SAMD3: variants seen among roughly 807,000 people sequenced by gnomAD.
SAMD3 encodes sterile alpha motif domain-containing protein 3.
SAMD3 carries 63 observed loss-of-function variants against 58.5 expected under a neutral mutation model. The observed-to-expected ratio is 1.08, with a 90% CI of 0.88 to 1.33. The LOEUF (loss-of-function observed/expected upper bound fraction) is 1.33, where lower values mean the gene tolerates loss of function less well. Among genes scored for constraint, SAMD3 ranks in the 40% most tolerant of loss-of-function variants. The pLI is 0.00. For missense variants in SAMD3, 604 were observed against 608.4 expected, an observed-to-expected ratio of 0.99 and a Z score of 0.08; for synonymous variants, 220 against 210.3, an observed-to-expected ratio of 1.05 and a Z score of -0.40.
At chr6:130,337,424 C>G (rs976837174) in intron 1 of SAMD3, among the ~76,000 whole-genome samples, 3 of 152,062 alleles carry the variant, frequency 2.0e-5, no homozygotes, top group Non-Finnish European at 2.9e-5. Context: ...TTATAAATTA[C>G]CCAGTCGTAG....
chr6:130,278,235 C>T (rs1774853127), intron 2 of SAMD3, among the ~76,000 whole-genome samples: 1 of 152,190 alleles, frequency 6.6e-6, no homozygotes, highest in Admixed American at 6.5e-5. Flanking sequence ...CCTATGATTT[C>T]ATCTCTGACC....
At chr6:130,345,452 A>G (rs1163030342) in intron 1 of SAMD3, among the ~76,000 whole-genome samples, 2 of 152,160 alleles carry the variant, frequency 1.3e-5, no homozygotes, top group Non-Finnish European at 2.9e-5. Flanking sequence ...ATAAAACAGG[A>G]GAAGCTGTGT....
chr6:130,243,880 T>C lies in SAMD3; in HGVS notation c.-187-21067A>G, dbSNP rs117057209. 1.2e-3 allele frequency among the ~76,000 whole-genome samples: 188 copies of C among 152,296 alleles called. 1 individual carries two copies. The highest frequency in any genetic ancestry group is 2.1e-3 in the Non-Finnish European group (141 of 68,014). On this transcript the variant is annotated intron_variant, in intron 2 of 13. Coordinates refer to the SAMD3 transcript ENST00000368134. ...ATTTCAAAATGTATCTGCTGCTACT[T>C]GAATGTTGTTGTGTTCTCCAACAGT...
Position 130,248,784 on chromosome 6 carries a change from G to T in SAMD3, c.-187-25971C>A, listed in dbSNP as rs1027012025. ...GGAACGGAGAGAAGGTTTCAAGAAA[G>T]GATCTATGCTCCATTTATAAGCAGT... On this transcript the variant is annotated intron_variant, in intron 2 of 13. Coordinates refer to the SAMD3 transcript ENST00000368134. Among the ~76,000 whole-genome samples the T allele has an allele frequency of 4.6e-5, 7 of 152,106 alleles. 1 individual carries two copies. The East Asian group carries it at 1.3e-3, about 29-fold the overall frequency.
chr6:130,162,739 C>T (rs929504099), intron 8 of SAMD3, among the ~76,000 whole-genome samples: 2 of 152,132 alleles, frequency 1.3e-5, no homozygotes, highest in African/African-American at 4.8e-5. Flanking sequence ...AGCTTCTGAA[C>T]ATCACCAGCA....
At chr6:130,320,984 A>G (rs1776566588) in intron 1 of SAMD3, among the ~76,000 whole-genome samples, 1 of 152,224 alleles carries the variant, frequency 6.6e-6, no homozygotes, top group Non-Finnish European at 1.5e-5. Context: ...GCTTCCCCAG[A>G]GAGTTTGCTC....
At chr6:130,357,025 G>T (rs571515883) in intron 1 of SAMD3, among the ~76,000 whole-genome samples, 2 of 151,820 alleles carry the variant, frequency 1.3e-5, no homozygotes, top group Admixed American at 1.3e-4. Flanking sequence ...GGGCACATAG[G>T]TCAAATCATT....
chr6:130,356,338 G>T (rs1254820642), intron 1 of SAMD3, among the ~76,000 whole-genome samples: 1 of 152,130 alleles, frequency 6.6e-6, no homozygotes, highest in East Asian at 1.9e-4. Context: ...AGCCTGGTCT[G>T]CCCCGGCTAC....
chr6:130,215,536 TCTC>T (rs1308206720), intron 2 of SAMD3: 72 of 1,332,494 alleles, frequency 5.4e-5, no homozygotes, highest in Admixed American at 2.1e-4. Flanking sequence ...TTCTTCACCT[TCTC>T]CTACTTTTTT....
chr6:130,330,681 C>A (rs1260915365), intron 1 of SAMD3, among the ~76,000 whole-genome samples: 2 of 152,114 alleles, frequency 1.3e-5, no homozygotes, highest in Admixed American at 6.5e-5. Flanking sequence ...TTGTAGCAAC[C>A]AGTGGGGATA....
chr6:130,176,468 T>C (rs576015427), intron 7 of SAMD3, among the ~76,000 whole-genome samples: 10 of 152,340 alleles, frequency 6.6e-5, no homozygotes, highest in African/African-American at 2.4e-4. Flanking sequence ...ATGAGTACTA[T>C]TGGCATTCAC....
intron 2 of SAMD3, among the ~76,000 whole-genome samples, chr6:130,270,974 T>C (rs1161139611): frequency 1.3e-5 from 2 of 150,022 alleles, no homozygotes; most frequent in Admixed American, 1.3e-4. Context: ...TCAAAAGAAT[T>C]TGTACCCAAT....
intron 5 of SAMD3, among the ~76,000 whole-genome samples, chr6:130,199,754 A>G (rs1044831763): frequency 1.3e-5 from 2 of 152,320 alleles, no homozygotes; most frequent in East Asian, 1.9e-4. Flanking sequence ...CCCCTAAACT[A>G]TGAAGAAAAT....
At chr6:130,261,935 CAGAGAGAGACAG>C (rs552530647) in intron 2 of SAMD3, among the ~76,000 whole-genome samples, 79 of 150,812 alleles carry the variant, frequency 5.2e-4, no homozygotes, top group African/African-American at 1.8e-3. Flanking sequence ...ATAAGCCAGG[CAGAGAGAGACAG>C]AGAGAGAGAC....
intron 1 of SAMD3, among the ~76,000 whole-genome samples, chr6:130,343,601 A>G (rs1180088127): frequency 6.6e-6 from 1 of 152,154 alleles, no homozygotes; most frequent in Non-Finnish European, 1.5e-5. Context: ...GGCTGGGTGT[A>G]CTAAGAAGTA....
chr6:130,341,728 T>G (rs1416448251), intron 1 of SAMD3, among the ~76,000 whole-genome samples: 2 of 152,168 alleles, frequency 1.3e-5, no homozygotes, highest in African/African-American at 4.8e-5. Flanking sequence ...GGCTTGTTGT[T>G]ATTTTAGCAG....
intron 1 of SAMD3, among the ~76,000 whole-genome samples, chr6:130,361,153 G>A (rs1365525304): frequency 6.6e-6 from 1 of 152,124 alleles, no homozygotes; most frequent in Non-Finnish European, 1.5e-5. Context: ...GTAAAGACAG[G>A]CATAGGAAAT....
intron 2 of SAMD3, among the ~76,000 whole-genome samples, chr6:130,230,621 C>A (rs1015476758): frequency 2.0e-5 from 3 of 152,174 alleles, no homozygotes; most frequent in African/African-American, 7.2e-5. Flanking sequence ...CTCCTGACCT[C>A]AGGTGATCCA....
rs574985755 is a variant in SAMD3, at chr6:130,317,047, A to G, written c.-303-3954T>C. 7.9e-5 allele frequency among the ~76,000 whole-genome samples: 12 copies of G among 152,284 alleles called. No homozygotes were observed. In the South Asian group the frequency reaches 1.0e-3, roughly 13 times the overall value. ...GACTCCTGGTCTGTGGATTTTTAGA[A>G]TTTAATGCAGATGGACCAGTGAGAA... is the stretch of plus-strand genomic sequence containing the variant. On this transcript the variant is annotated intron_variant, in intron 1 of 13. Coordinates refer to the SAMD3 transcript ENST00000368134.
Sources: gnomAD v4.1 joint callset for allele counts (sites outside exome capture counted in the v4.1 genomes callset) on GRCh38, gnomAD v4.1.1 for gene constraint, MANE v1.5 for transcripts, NCBI Gene and HGNC (gene_info 2026-07-23, HGNC 2026-07-21) for gene names.